Variants in ASIC2 observed in about 807,000 individuals in gnomAD.
ASIC2 encodes acid-sensing ion channel 2.
A neutral mutation model predicts 57.3 loss-of-function variants in ASIC2; 25 were observed. The ratio of observed to expected loss-of-function variants is 0.44; its 90% CI spans 0.32 to 0.61. The LOEUF (loss-of-function observed/expected upper bound fraction) is 0.61. ASIC2 is among the 20% of genes least tolerant of loss of function. The pLI is 0.06. For synonymous variants in ASIC2, 319 were observed against 307.5 expected, an observed-to-expected ratio of 1.04 and a Z score of -0.39; for missense variants, 641 against 738.1, an observed-to-expected ratio of 0.87 and a Z score of 1.52.
chr17:33,792,870 C>G (rs193071255), intron 1 of ASIC2: 61 of 152,198 alleles, frequency 4.0e-4, no homozygotes, highest in African/African-American at 1.4e-3. Flanking sequence ...AGCCCTGAGA[C>G]CTTTGGCAAA....
intron 1 of ASIC2, among the ~76,000 whole-genome samples, chr17:34,134,049 A>T (rs1912064984): frequency 6.6e-6 from 1 of 152,214 alleles, no homozygotes; most frequent in Non-Finnish European, 1.5e-5. Context: ...CCAAGTTCAC[A>T]TAGCTGATGA....
At chr17:33,227,362 C>T (rs946318562) in intron 1 of ASIC2, among the ~76,000 whole-genome samples, 1 of 152,188 alleles carries the variant, frequency 6.6e-6, no homozygotes, top group Non-Finnish European at 1.5e-5. Flanking sequence ...CATTCCCAGG[C>T]CCCTCCTGCC....
At chr17:34,004,317 G>T (rs1906451865) in intron 1 of ASIC2, 1 of 152,158 alleles carries the variant, frequency 6.6e-6, no homozygotes, top group South Asian at 2.1e-4. Flanking sequence ...GGCTTTTTTG[G>T]TTCTGCATCC....
chr17:33,755,367 G>C (rs1232087907), intron 1 of ASIC2, among the ~76,000 whole-genome samples: 1 of 152,226 alleles, frequency 6.6e-6, no homozygotes, highest in African/African-American at 2.4e-5. Flanking sequence ...CCCTATGTCT[G>C]TGTTGTGTTA....
At chr17:33,546,277 C>T (rs1375674422) in intron 1 of ASIC2, among the ~76,000 whole-genome samples, 1 of 151,964 alleles carries the variant, frequency 6.6e-6, no homozygotes, top group Non-Finnish European at 1.5e-5. Context: ...GTTGCTATGT[C>T]CTCTATGGAA....
At chr17:33,016,985 T>C (rs1598234704) in intron 8 of ASIC2, among the ~76,000 whole-genome samples, 1 of 151,998 alleles carries the variant, frequency 6.6e-6, no homozygotes, top group South Asian at 2.1e-4. Context: ...ACCCCAGCTC[T>C]GGGAACCCTC....
chr17:33,127,251 C>T (rs1391168645), intron 1 of ASIC2, among the ~76,000 whole-genome samples: 1 of 152,156 alleles, frequency 6.6e-6, no homozygotes, highest in Non-Finnish European at 1.5e-5. Flanking sequence ...CGTCATGCAG[C>T]AAGTCAGGGG....
At chr17:33,960,466 A>G (rs16969055) in intron 1 of ASIC2, among the ~76,000 whole-genome samples, 1 of 152,218 alleles carries the variant, frequency 6.6e-6, no homozygotes, top group Non-Finnish European at 1.5e-5. Context: ...TTGACTGGAG[A>G]TTGATCCTGG....
intron 1 of ASIC2, among the ~76,000 whole-genome samples, chr17:33,474,620 C>T (rs1310399430): frequency 6.6e-6 from 1 of 152,170 alleles, no homozygotes; most frequent in African/African-American, 2.4e-5. Context: ...AAGGTAACTT[C>T]CCAAGGAGGG....
chr17:34,033,250 T>G (rs370179645), intron 1 of ASIC2, among the ~76,000 whole-genome samples: 38 of 151,980 alleles, frequency 2.5e-4, no homozygotes, highest in Non-Finnish European at 3.8e-4. Context: ...TGAACAACCT[T>G]CTCCTGAATG....
chr17:33,524,686 C>A (rs1488763660), intron 1 of ASIC2, among the ~76,000 whole-genome samples: 1 of 151,950 alleles, frequency 6.6e-6, no homozygotes, highest in Non-Finnish European at 1.5e-5. Context: ...GAATGAGGTC[C>A]CCAGTTTGAG....
intron 1 of ASIC2, among the ~76,000 whole-genome samples, chr17:33,704,989 G>C (rs146420088): frequency 6.6e-6 from 1 of 152,200 alleles, no homozygotes; most frequent in Non-Finnish European, 1.5e-5. Context: ...TCCTGTAGGC[G>C]TATGTTTGTA....
At chr17:33,048,077 G>C (rs528040419) in intron 3 of ASIC2, among the ~76,000 whole-genome samples, 4 of 152,274 alleles carry the variant, frequency 2.6e-5, no homozygotes, top group African/African-American at 7.2e-5. Context: ...TGTTGAAGAG[G>C]AAGACATAGC....
At chr17:33,157,361 A>G (rs1314886209) in intron 1 of ASIC2, among the ~76,000 whole-genome samples, 1 of 152,166 alleles carries the variant, frequency 6.6e-6, no homozygotes, top group African/African-American at 2.4e-5. Flanking sequence ...CGTGATGCCC[A>G]TTTTACAGAT....
At chr17:33,481,819 C>G (rs1341715820) in intron 1 of ASIC2, among the ~76,000 whole-genome samples, 1 of 152,192 alleles carries the variant, frequency 6.6e-6, no homozygotes, top group East Asian at 1.9e-4. Flanking sequence ...GCTGCCTCAG[C>G]CTTGTCGCCG....
intron 1 of ASIC2, among the ~76,000 whole-genome samples, chr17:33,806,662 C>G (rs543059618): frequency 6.6e-6 from 1 of 152,350 alleles, no homozygotes; most frequent in African/African-American, 2.4e-5. Flanking sequence ...CCTCTGCCAT[C>G]TTTAGAGCAC....
chr17:33,136,931 G>A (rs909146492), intron 1 of ASIC2, among the ~76,000 whole-genome samples: 6 of 152,220 alleles, frequency 3.9e-5, no homozygotes, highest in African/African-American at 1.4e-4. Flanking sequence ...CCTTGGGCAA[G>A]TTTCTTAATC....
At chr17:34,153,396 G>A (rs764989166) in intron 1 of ASIC2, among the ~76,000 whole-genome samples, 4 of 152,164 alleles carry the variant, frequency 2.6e-5, no homozygotes, top group African/African-American at 7.2e-5. Flanking sequence ...AAGAGAAGGC[G>A]GGTCAAGTGG....
intron 1 of ASIC2, among the ~76,000 whole-genome samples, chr17:33,338,682 T>A (rs1344275309): frequency 6.6e-6 from 1 of 152,190 alleles, no homozygotes; most frequent in African/African-American, 2.4e-5. Flanking sequence ...GATTTGTGGG[T>A]CTCCAAAGGG....
Sources: gnomAD v4.1 joint callset for allele counts (sites outside exome capture counted in the v4.1 genomes callset) on GRCh38, gnomAD v4.1.1 for gene constraint, MANE v1.5 for transcripts, NCBI Gene and HGNC (gene_info 2026-07-23, HGNC 2026-07-21) for gene names.